Variants in NR5A2 observed in about 807,000 individuals in gnomAD.
NR5A2 encodes nuclear receptor subfamily 5 group A member 2.
In NR5A2, 26 loss-of-function variants were observed where a neutral mutation model predicts 62.7. The ratio of observed to expected loss-of-function variants is 0.41; its 90% CI spans 0.30 to 0.58. The LOEUF is 0.58. Ranked by LOEUF, NR5A2 falls within the 20% of genes least tolerant of loss-of-function variation. The pLI is 0.22. For missense variants in NR5A2, 541 were observed against 669.1 expected (o/e 0.81, Z 2.11); for synonymous variants, 246 against 241.7 (o/e 1.02, Z -0.16).
Position 200,147,381 on chromosome 1 carries a change from T to A in NR5A2, c.1378+26426T>A. On this transcript the variant is annotated intron_variant, in intron 7 of 7. Coordinates refer to ENST00000367362, the MANE Select transcript of NR5A2 (RefSeq NM_205860.3). This position sits in a 1 kb window ranked among gnomAD's most constrained non-coding sequence, Gnocchi z 4.9. Reference sequence around the variant, plus strand: ...TGCTGACTCCCCCAGGCCACCTTAGTTCCTCTCGGAGTCTGTATGGGTCTG... The same window carrying A: ...TGCTGACTCCCCCAGGCCACCTTAGATCCTCTCGGAGTCTGTATGGGTCTG... 3 of 365,574 alleles carry A rather than the reference T, an allele frequency of 8.2e-6. No individual in the cohort carries two copies. Among genetic ancestry groups the A allele is most frequent in the South Asian group, 7.3e-5 (3 of 41,090 alleles). 22.6% of individuals were successfully genotyped at this position (365,574 alleles called of 1,614,324 possible).
chr1:200,134,610 C>T (rs1227838323), intron 7 of NR5A2, among the ~76,000 whole-genome samples: 1 of 152,122 alleles, frequency 6.6e-6, no homozygotes, highest in Non-Finnish European at 1.5e-5. Context: ...AGAATGTATC[C>T]TTGTCATTAA....
intron 7 of NR5A2, among the ~76,000 whole-genome samples, chr1:200,144,265 A>ACT (rs1667587492): frequency 6.6e-6 from 1 of 151,050 alleles, no homozygotes; most frequent in Non-Finnish European, 1.5e-5. Context: ...ACACACACAC[A>ACT]CACACAGAAC....
At chr1:200,041,004 G>A (rs1228439996) in intron 2 of NR5A2, among the ~76,000 whole-genome samples, 5 of 152,190 alleles carry the variant, frequency 3.3e-5, no homozygotes, top group African/African-American at 9.6e-5. Flanking sequence ...GCTGCTATGG[G>A]AACCCGGTTG....
intron 5 of NR5A2, chr1:200,057,487 CTT>C: frequency 9.0e-6 from 2 of 222,704 alleles, no homozygotes; most frequent in Non-Finnish European, 1.8e-5. Context: ...AATTTTTTTT[CTT>C]TTTTTTTGAG....
At chr1:200,132,699 T>TAA (rs1232835652) in intron 7 of NR5A2, among the ~76,000 whole-genome samples, 1 of 152,344 alleles carries the variant, frequency 6.6e-6, no homozygotes, top group African/African-American at 2.4e-5. Context: ...AAAAATCAAG[T>TAA]AAGAATGCCA....
intron 7 of NR5A2, among the ~76,000 whole-genome samples, chr1:200,165,289 G>A (rs1444961893): frequency 6.6e-6 from 1 of 151,698 alleles, no homozygotes; most frequent in Non-Finnish European, 1.5e-5. Flanking sequence ...CTCCCCTACT[G>A]TCAGCATTCC....
At chr1:200,030,944 G>C (rs1661525116) in intron 1 of NR5A2, among the ~76,000 whole-genome samples, 1 of 152,150 alleles carries the variant, frequency 6.6e-6, no homozygotes, top group African/African-American at 2.4e-5. Flanking sequence ...CAAGCTCTGT[G>C]CTCATAAGGA....
At chr1:200,054,749 G>A (rs926700490) in intron 5 of NR5A2, among the ~76,000 whole-genome samples, 3 of 152,114 alleles carry the variant, frequency 2.0e-5, no homozygotes, top group Non-Finnish European at 4.4e-5. Context: ...AATTATGGAA[G>A]CTATCTGAGC....
intron 5 of NR5A2, among the ~76,000 whole-genome samples, chr1:200,096,860 G>A (rs570264035): frequency 3.3e-5 from 5 of 152,288 alleles, no homozygotes; most frequent in African/African-American, 9.6e-5. Flanking sequence ...GCCCAGGAGC[G>A]ATAGACTATT....
intron 7 of NR5A2, among the ~76,000 whole-genome samples, chr1:200,170,024 T>C (rs1654098683): frequency 6.6e-6 from 1 of 152,184 alleles, no homozygotes; most frequent in Admixed American, 6.5e-5. Flanking sequence ...CTATTTAATA[T>C]GAGAACCAAA....
chr1:200,148,637 G>A (rs1667836536), intron 7 of NR5A2, among the ~76,000 whole-genome samples: 2 of 152,182 alleles, frequency 1.3e-5, no homozygotes, highest in Admixed American at 6.5e-5. Flanking sequence ...GTTAAGTGAA[G>A]CGCAAATTTG....
intron 5 of NR5A2, among the ~76,000 whole-genome samples, chr1:200,087,615 G>A (rs866434827): frequency 2.6e-5 from 4 of 151,712 alleles, no homozygotes; most frequent in African/African-American, 9.7e-5. Context: ...TAGGATGGTC[G>A]CGATCTCTTG....
chr1:200,172,045 C>T (rs551306345), intron 7 of NR5A2, among the ~76,000 whole-genome samples: 1 of 152,254 alleles, frequency 6.6e-6, no homozygotes, highest in Non-Finnish European at 1.5e-5. Flanking sequence ...ATTTCTACAT[C>T]CTCTCTATTA....
In NR5A2 at chr1:200,064,113, C is replaced by T. The variant is rs548758625; in HGVS notation, c.1110+15295C>T. ...ACAGTGAGCCAAGATTGCACCATCGCGCTCCAGCCTGGGCGACAGAGCGAG... is the reference window on the plus strand; with the variant it reads ...ACAGTGAGCCAAGATTGCACCATCGTGCTCCAGCCTGGGCGACAGAGCGAG... On this transcript the variant is annotated intron_variant, in intron 5 of 7. Transcript: ENST00000367362. Among the ~76,000 whole-genome samples, 94 of 151,204 alleles carry T rather than the reference C, an allele frequency of 6.2e-4. 2 individuals carry two copies. In the South Asian group the frequency reaches 0.016, roughly 25 times the overall value.
At chr1:200,154,715 TA>T (rs1282843438) in intron 7 of NR5A2, among the ~76,000 whole-genome samples, 1 of 152,160 alleles carries the variant, frequency 6.6e-6, no homozygotes, top group Non-Finnish European at 1.5e-5. Context: ...AGTAAATTTT[TA>T]AAAAGAAAGG....
At chr1:200,076,008 AAAAAC>A (rs1664017594) in intron 5 of NR5A2, among the ~76,000 whole-genome samples, 1 of 152,038 alleles carries the variant, frequency 6.6e-6, no homozygotes, top group South Asian at 2.1e-4. Context: ...AACATCTTTT[AAAAAC>A]AAAACAATTT....
At position 200,066,324 on chromosome 1, in the gene NR5A2, G is replaced by A. The variant is rs145839643; in HGVS notation, c.1110+17506G>A. 3.2e-3 allele frequency among the ~76,000 whole-genome samples: 491 copies of A among 152,212 alleles called. 2 individuals carry two copies. Among genetic ancestry groups the A allele is most frequent in the Non-Finnish European group, 5.4e-3 (366 of 68,012 alleles). Reference sequence around the variant, plus strand: ...TCAGGTTTTTGGCTTAAGCCTTTGGGAGCCATTTGTGGAGAAGGGGAACCA... The same window carrying A: ...TCAGGTTTTTGGCTTAAGCCTTTGGAAGCCATTTGTGGAGAAGGGGAACCA... On this transcript the variant is annotated intron_variant, in intron 5 of 7. Transcript: ENST00000367362.
intron 7 of NR5A2, among the ~76,000 whole-genome samples, chr1:200,164,441 C>T (rs1399004899): frequency 6.6e-6 from 1 of 151,898 alleles, no homozygotes; most frequent in Non-Finnish European, 1.5e-5. Context: ...ATTCACTATA[C>T]TATGTTTAAA....
At chr1:200,030,012 A>G (rs940976627) in intron 1 of NR5A2, among the ~76,000 whole-genome samples, 5 of 152,124 alleles carry the variant, frequency 3.3e-5, no homozygotes, top group African/African-American at 1.2e-4. Flanking sequence ...CTTCGGACTG[A>G]ACTATTGGAT....
Sources: allele counts gnomAD v4.1 joint callset (sites outside exome capture counted in the v4.1 genomes callset), GRCh38; gene constraint gnomAD v4.1.1; non-coding constraint Gnocchi (gnomAD v3.1); transcripts MANE v1.5; gene names NCBI Gene and HGNC (gene_info 2026-07-23, HGNC 2026-07-21).